Variants in LRRC69 observed in about 807,000 individuals in gnomAD.
LRRC69 encodes the protein leucine-rich repeat-containing protein 69.
A neutral mutation model predicts 37.8 loss-of-function variants in LRRC69; 42 were observed. The observed-to-expected ratio is 1.11, with a 90% confidence interval of 0.87 to 1.44. The LOEUF (loss-of-function observed/expected upper bound fraction) is 1.44. LRRC69 is among the 40% of genes most tolerant of loss of function. The pLI, the probability that LRRC69 is intolerant of heterozygous loss-of-function variation, is 0.00. For missense variants in LRRC69, 357 were observed against 401.9 expected (o/e 0.89, Z 0.96); for synonymous variants, 141 against 143.1 (o/e 0.99, Z 0.11).
intron 5 of LRRC69, chr8:91,139,338 G>C (rs1420518419): frequency 6.6e-6 from 1 of 151,836 alleles, no homozygotes; most frequent in Non-Finnish European, 1.5e-5. Flanking sequence ...TCAGGAGATC[G>C]AGACCATCCT....
At chr8:91,148,427 G>T (rs1808663782) in intron 5 of LRRC69, among the ~76,000 whole-genome samples, 1 of 151,792 alleles carries the variant, frequency 6.6e-6, no homozygotes, top group Non-Finnish European at 1.5e-5. Context: ...ATTTTTTATG[G>T]CTGCATAGTA....
intron 1 of LRRC69, among the ~76,000 whole-genome samples, chr8:91,105,659 C>A (rs1322194975): frequency 3.8e-3 from 414 of 110,330 alleles, no homozygotes; most frequent in Admixed American, 4.9e-3. Context: ...GATTCTGTCT[C>A]AAAAAAAAAA....
At chr8:91,215,729 C>A (rs7832896) in intron 7 of LRRC69, among the ~76,000 whole-genome samples, 1 of 151,950 alleles carries the variant, frequency 6.6e-6, no homozygotes, top group African/African-American at 2.4e-5. Context: ...TCATTGAGTG[C>A]TTTGATCTCT....
At chr8:91,110,503 G>C (rs1813390462) in intron 1 of LRRC69, among the ~76,000 whole-genome samples, 1 of 151,946 alleles carries the variant, frequency 6.6e-6, no homozygotes, top group African/African-American at 2.4e-5. Context: ...GCTGGGTGTG[G>C]TGATGCATAA....
Position 91,127,122 on chromosome 8 carries a change from C to G in LRRC69, c.345C>G (p.Asn115Lys), listed in dbSNP as rs1368045429. 2 of 1,548,466 alleles carry G rather than the reference C, an allele frequency of 1.3e-6. No individual in the cohort carries two copies. The highest frequency in any genetic ancestry group is 2.4e-5 in the East Asian group (1 of 40,842). ...AAAATTTAATCCTGCTTAATCTGAA[C>G]AACAATCATCTTACGCAGCTTCCTC... Residue 115 changes from asparagine to lysine, a missense_variant, in exon 3 of 8, where the codon AAC (asparagine) becomes AAG (lysine). Asn to Lys is a moderately conservative substitution (Grantham distance 94). Transcript: ENST00000448384.
In LRRC69 at chr8:91,154,382, G is replaced by T. The variant is rs534994065; in HGVS notation, c.651+18643G>T. 5.3e-4 allele frequency among the ~76,000 whole-genome samples: 80 copies of T among 151,846 alleles called. 3 individuals are homozygous for T. The South Asian group carries it at 0.016, about 31-fold the overall frequency. On this transcript the variant is annotated intron_variant, in intron 5 of 7. Transcript: ENST00000448384. ...CACTCCTCCCTAACTCATTTTGTGAGGCCAGCATCATTCTGATACCAAAGC... is the reference window on the plus strand; with the variant it reads ...CACTCCTCCCTAACTCATTTTGTGATGCCAGCATCATTCTGATACCAAAGC...
intron 1 of LRRC69, among the ~76,000 whole-genome samples, chr8:91,114,258 C>T (rs543995519): frequency 6.6e-6 from 1 of 151,910 alleles, no homozygotes; most frequent in Non-Finnish European, 1.5e-5. Flanking sequence ...GAAGATTCCT[C>T]AAAAAATTAA....
At chr8:91,116,269 C>T (rs1162245212) in intron 1 of LRRC69, among the ~76,000 whole-genome samples, 3 of 151,966 alleles carry the variant, frequency 2.0e-5, no homozygotes, top group Non-Finnish European at 4.4e-5. Context: ...CTTTATTAAA[C>T]TGTCTCTAAT....
At chr8:91,104,113 T>C (rs1813266802) in intron 1 of LRRC69, among the ~76,000 whole-genome samples, 1 of 152,052 alleles carries the variant, frequency 6.6e-6, no homozygotes, top group Non-Finnish European at 1.5e-5. Flanking sequence ...AATGTATCTA[T>C]TGTGTATTGA....
chr8:91,162,446 A>G (rs745930727), intron 5 of LRRC69, among the ~76,000 whole-genome samples: 3 of 151,466 alleles, frequency 2.0e-5, no homozygotes, highest in Non-Finnish European at 4.4e-5. Context: ...TGTTGGGTGC[A>G]TATACATTTA....
chr8:91,152,979 C>T (rs1808767672), intron 5 of LRRC69, among the ~76,000 whole-genome samples: 1 of 151,194 alleles, frequency 6.6e-6, no homozygotes, highest in Admixed American at 6.6e-5. Context: ...ATTCAAGAGA[C>T]CCATCTCATG....
At chr8:91,120,180 A>G (rs1813595043) in intron 1 of LRRC69, among the ~76,000 whole-genome samples, 1 of 151,758 alleles carries the variant, frequency 6.6e-6, no homozygotes, top group Non-Finnish European at 1.5e-5. Flanking sequence ...CCAACACTTC[A>G]CCCCTATTTT....
chr8:91,148,260 G>T (rs1421092511), intron 5 of LRRC69, among the ~76,000 whole-genome samples: 6 of 150,662 alleles, frequency 4.0e-5, no homozygotes, highest in Non-Finnish European at 8.9e-5. Context: ...AGGCCCCAGT[G>T]TGTGATGTTC....
At position 91,201,186 on chromosome 8, in the gene LRRC69, G is replaced by A. The variant is rs28664600; in HGVS notation, c.933+394G>A. 6.3e-3 allele frequency among the ~76,000 whole-genome samples: 960 copies of A among 152,264 alleles called. 6 individuals carry two copies. The highest frequency in any genetic ancestry group is 0.011 in the Non-Finnish European group (735 of 68,018). The stretch of plus-strand genomic sequence containing the variant: ...TGTGCTGGCTAGTTTATATCATGAT[G>A]GTGTTCTAGAACACTAAATACGCAT... On this transcript the variant is annotated intron_variant, in intron 7 of 7. Coordinates refer to ENST00000448384, the Ensembl canonical transcript of LRRC69.
intron 7 of LRRC69, among the ~76,000 whole-genome samples, chr8:91,211,618 T>TATATATA (rs1282294122): frequency 2.4e-5 from 3 of 125,084 alleles, no homozygotes; most frequent in Admixed American, 7.8e-5. Context: ...ATATATATAT[T>TATATATA]TTTTTTTTAT....
At chr8:91,214,241 G>A (rs1015980445) in intron 7 of LRRC69, among the ~76,000 whole-genome samples, 1 of 152,124 alleles carries the variant, frequency 6.6e-6, no homozygotes, top group Non-Finnish European at 1.5e-5. Context: ...GGGTGTGAAG[G>A]AGAAAGAGTC....
At chr8:91,185,506 C>T (rs551708989) in intron 5 of LRRC69, among the ~76,000 whole-genome samples, 1 of 152,262 alleles carries the variant, frequency 6.6e-6, no homozygotes, top group Admixed American at 6.5e-5. Flanking sequence ...GATTATGACT[C>T]TAGGTCACTT....
intron 1 of LRRC69, among the ~76,000 whole-genome samples, chr8:91,122,383 CCATCATAAAAGATT>C (rs1404603577): frequency 6.6e-6 from 1 of 151,882 alleles, no homozygotes; most frequent in East Asian, 1.9e-4. Context: ...TGGTTACTGC[CCATCATAAAAGATT>C]CATCATAAAA....
intron 3 of LRRC69, among the ~76,000 whole-genome samples, chr8:91,129,919 A>C (rs1813780250): frequency 1.3e-5 from 2 of 152,026 alleles, no homozygotes; most frequent in Admixed American, 1.3e-4. Flanking sequence ...ACTGTCCTTT[A>C]CATAGTCAAA....
Sources: allele counts gnomAD v4.1 joint callset (sites outside exome capture counted in the v4.1 genomes callset), GRCh38; gene constraint gnomAD v4.1.1; transcripts MANE v1.5; gene names NCBI Gene and HGNC (gene_info 2026-07-23, HGNC 2026-07-21).